Variants in CKB observed in about 807,000 individuals in gnomAD.
CKB encodes the protein creatine kinase B-type.
Under a neutral mutation model 36.9 loss-of-function variants are expected in CKB, and 15 were observed. That is an observed-to-expected ratio of 0.41 (90% CI 0.27 to 0.63). The LOEUF is 0.63. Ranked by LOEUF, CKB falls within the 20% of genes least tolerant of loss-of-function variation. The pLI, the probability that CKB is intolerant of heterozygous loss-of-function variation, is 0.34. For missense variants in CKB, 413 were observed against 534.9 expected, an observed-to-expected ratio of 0.77 and a Z score of 2.25; for synonymous variants, 250 against 228.2, an observed-to-expected ratio of 1.10 and a Z score of -0.86.
At chr14:103,520,861 G>A in intron 5 of CKB, 1 of 513,466 alleles carries the variant, frequency 1.9e-6, no homozygotes, top group South Asian at 2.1e-5. Flanking sequence ...CACAGTGGGG[G>A]TAGGAGCCCT....
Position 103,520,305 on chromosome 14 carries a change from T to G in CKB, c.784A>C (p.Thr262Pro). ...RFCTGLTQIE[T>P]LFKSKDYEFM... ...TCATAGTCCTTAGACTTGAAGAGAGTTTCAATCTGCAGACGGAGAAGAGGG... is the reference window on the plus strand; with the variant it reads ...TCATAGTCCTTAGACTTGAAGAGAGGTTCAATCTGCAGACGGAGAAGAGGG... The change falls in exon 7 of 8, where the codon ACT becomes CCT. Residue 262 changes from threonine to proline, a missense_variant. Around this residue, in one of 3 missense-constraint regions of CKB, gnomAD observed 314 missense variants for 409.4 expected, o/e 0.77. Transcript: ENST00000348956. 1 of 1,602,250 alleles carries G rather than the reference T, an allele frequency of 6.2e-7. No homozygotes were observed. Among genetic ancestry groups the G allele is most frequent in the African/African-American group, 1.4e-5 (1 of 73,976 alleles).
rs1255337931 is a variant in CKB, at chr14:103,522,375, G to A, written c.119C>T (p.Ala40Val). 6.2e-7 allele frequency: 1 copy of A among 1,611,686 alleles called. No individual in the cohort carries two copies. Among genetic ancestry groups the A allele is most frequent in the Non-Finnish European group, 8.5e-7 (1 of 1,179,322 alleles). The change falls in exon 2 of 8, where the codon GCG becomes GTG. Residue 40 changes from alanine to valine, a missense_variant. Physicochemically the swap from Ala to Val is moderately conservative, Grantham distance 64. Coordinates refer to ENST00000348956, the MANE Select transcript of CKB (RefSeq NM_001823.5). This position sits in a 1 kb window ranked among gnomAD's most constrained non-coding sequence, Gnocchi z 6.7. ...MAKVLTPELY[A>V]ELRAKSTPSG... ...CGGCGTGCTCTTGGCGCGCAGCTCCGCGTACAGCTCGGGGGTCAGCACCTT... is the reference window on the plus strand; with the variant it reads ...CGGCGTGCTCTTGGCGCGCAGCTCCACGTACAGCTCGGGGGTCAGCACCTT...
Position 103,522,305 on chromosome 14 carries a change from G to A in CKB, c.189C>T (p.Asn63=), listed in dbSNP as rs765404911. The A allele has an allele frequency of 4.4e-6, 7 of 1,605,232 alleles. No homozygotes were observed. In the East Asian group the frequency reaches 6.7e-5, roughly 15 times the overall value. The change falls in exon 2 of 8, where the codon AAC becomes AAT. Residue 63 remains asparagine, a synonymous_variant. Coordinates refer to ENST00000348956, the MANE Select transcript of CKB (RefSeq NM_001823.5). The surrounding 1 kb of genome is among the most constrained non-coding windows in gnomAD (Gnocchi z 6.7). ...LDDVIQTGVD[N]PGHPYIMTVG... ...CGGCCCCGAGGGGTCGCGTACCCGG[G>A]TTGTCCACGCCTGTCTGGATGACGT...
At chr14:103,520,948 GC>G in intron 5 of CKB, 1 of 542,832 alleles carries the variant, frequency 1.8e-6, no homozygotes, top group Non-Finnish European at 3.3e-6. Context: ...AAAACAAAGA[GC>G]TCCAGCTCCC....
chr14:103,520,571 G>A lies in CKB; in HGVS notation c.675C>T (p.Phe225=), dbSNP rs780589580. 2 of 1,612,974 alleles carry A rather than the reference G, an allele frequency of 1.2e-6. No individual in the cohort carries two copies. The highest frequency in any genetic ancestry group is 8.5e-7 in the Non-Finnish European group (1 of 1,179,708). ...GGTCCTCCTCGTTGACCCACACCAG[G>A]AAGGTCTTATTGTCATTGTGCCTGC... ...RGIWHNDNKT[F]LVWVNEEDHL... Residue 225 remains phenylalanine, a synonymous_variant, in exon 6 of 8, where the codon TTC becomes TTT. Transcript: ENST00000348956.
rs2075891473 is a variant in CKB, at chr14:103,520,321, G to A, written c.778-10C>T. The A allele has an allele frequency of 6.2e-7, 1 of 1,600,480 alleles. No homozygotes were observed. ...TGAAGAGAGTTTCAATCTGCAGACG[G>A]AGAAGAGGGTATGAGGGAGAAGGCC... is the stretch of plus-strand genomic sequence containing the variant. On this transcript the variant is annotated splice_polypyrimidine_tract_variant and intron_variant, in intron 6 of 7. Coordinates refer to ENST00000348956, the MANE Select transcript of CKB (RefSeq NM_001823.5).
At chr14:103,521,650 G>A (rs1004040466) in intron 4 of CKB, 168 bp downstream of exon 4, 4 of 987,058 alleles carry the variant, frequency 4.1e-6, no homozygotes, top group African/African-American at 3.4e-5. Context: ...CTGTGGGCGC[G>A]GGGCTGGGCC....
chr14:103,520,349 C>T (rs1189136922), intron 6 of CKB, 38 bp from the exon 7 acceptor site: 3 of 1,587,734 alleles, frequency 1.9e-6, no homozygotes, highest in Admixed American at 3.4e-5. Flanking sequence ...AGAAGGCCTG[C>T]CTGAAACCCC....
In CKB at chr14:103,522,563, G is replaced by T; in HGVS notation, c.-12-58C>A. The T allele has an allele frequency of 1.7e-5, 13 of 749,752 alleles. No homozygotes were observed. The highest frequency in any genetic ancestry group is 7.2e-5 in the East Asian group (1 of 13,890). The allele number at this position is 749,752 out of a possible 1,614,324, so 46.4% of individuals were successfully genotyped here. On this transcript the variant is annotated intron_variant, in intron 1 of 7. Transcript: ENST00000348956. This position sits in a 1 kb window ranked among gnomAD's most constrained non-coding sequence, Gnocchi z 6.7. Reference sequence around the variant, plus strand: ...CACGCCGGGGTTCCCGGGCTCCCGCGTACCACTCAGGCCCCCGCCGCCGGG... The same window carrying T: ...CACGCCGGGGTTCCCGGGCTCCCGCTTACCACTCAGGCCCCCGCCGCCGGG...
In CKB at chr14:103,521,861, G is replaced by C; in HGVS notation, c.438C>G (p.Cys146Trp). The C allele has an allele frequency of 6.5e-7, 1 of 1,538,574 alleles. No homozygotes were observed. Among genetic ancestry groups the C allele is most frequent in the South Asian group, 1.2e-5 (1 of 83,510 alleles). The change falls in exon 4 of 8, where the codon TGC becomes TGG. Residue 146 changes from cysteine (C) to tryptophan (W), a missense_variant. By Grantham distance (215) the Cys-to-Trp change is radical (BLOSUM62 -2). This residue lies in a region of CKB where 314 missense variants were observed against 409.4 expected (regional missense o/e 0.77). Transcript: ENST00000348956. Reference protein sequence around the residue: ...SIRGFCLPPHCSRGERRAIEK... With the variant: ...SIRGFCLPPHWSRGERRAIEK... ...CGATGGCGCGGCGCTCCCCGCGGCT[G>C]CAGTGCGGGGGGAGGCAGAAGCCAC...
rs1372341024 is a variant in CKB, at chr14:103,519,843, G to T, written c.*21C>A. 6.3e-7 allele frequency: 1 copy of T among 1,582,984 alleles called. No individual in the cohort carries two copies. The highest frequency in any genetic ancestry group is 1.3e-5 in the African/African-American group (1 of 74,582). On this transcript the variant is annotated 3_prime_UTR_variant, in exon 8 of 8. Transcript: ENST00000348956. The stretch of plus-strand genomic sequence containing the variant: ...AATAAGTTAGGAAGCAGCAGGGCTG[G>T]TGTCGGGTGTGGGCCGGGCTTCATT...
In CKB at chr14:103,519,906, C is replaced by T; in HGVS notation, c.1104G>A (p.Glu368=). The T allele has an allele frequency of 6.2e-7, 1 of 1,608,234 alleles. No individual in the cohort carries two copies. ...KLLIEMEQRL[E]QGQAIDDLMP... ...TGAGGTCGTCGATGGCCTGGCCCTG[C>T]TCCAGCCGCTGCTCCATCTCGATGA... The change falls in exon 8 of 8, where the codon GAG becomes GAA. Residue 368 remains glutamate (E), a synonymous_variant. Transcript: ENST00000348956.
At chr14:103,520,402 GA>G in intron 6 of CKB, 66 bp downstream of exon 6, 1 of 1,587,186 alleles carries the variant, frequency 6.3e-7, no homozygotes, top group Non-Finnish European at 8.6e-7. Context: ...CCCCCGGGGG[GA>G]CTGATGCTGG....
In CKB at chr14:103,520,466, C is replaced by T; in HGVS notation, c.777+3G>A. 6.3e-7 allele frequency: 1 copy of T among 1,599,794 alleles called. No individual in the cohort carries two copies. The highest frequency in any genetic ancestry group is 1.1e-5 in the South Asian group (1 of 89,652). The stretch of plus-strand genomic sequence containing the variant: ...GGGTCTGGGCCTGCCCCGTCCCTGG[C>T]ACCTGGGTGAGGCCGGTGCAGAAGC... On this transcript the variant is annotated splice_donor_region_variant and intron_variant, in intron 6 of 7. Coordinates refer to ENST00000348956, the MANE Select transcript of CKB (RefSeq NM_001823.5).
chr14:103,520,356 C>T (rs1469123313), intron 6 of CKB, 45 bp from the exon 7 acceptor site: 3 of 1,584,676 alleles, frequency 1.9e-6, no homozygotes, highest in Non-Finnish European at 1.7e-6. Flanking sequence ...CTGCCTGAAA[C>T]CCCTACAGGC....
In CKB at chr14:103,519,798, A is replaced by G; in HGVS notation, c.*66T>C. Reference sequence around the variant, plus strand: ...GCCAGACGGCGAACATCAGGGGTGCATGGTGGGCACTGCCCAGGCAATAAG... The same window carrying G: ...GCCAGACGGCGAACATCAGGGGTGCGTGGTGGGCACTGCCCAGGCAATAAG... On this transcript the variant is annotated 3_prime_UTR_variant, in exon 8 of 8. Coordinates refer to ENST00000348956, the MANE Select transcript of CKB (RefSeq NM_001823.5). The G allele has an allele frequency of 3.3e-6, 5 of 1,524,540 alleles. No individual in the cohort carries two copies. The highest frequency in any genetic ancestry group is 4.4e-6 in the Non-Finnish European group (5 of 1,135,188). The allele number at this position is 1,524,540 out of a possible 1,614,324, so 94.4% of individuals were successfully genotyped here. A position where few individuals can be genotyped will look rare whatever the true frequency, so the allele number is the denominator to read the frequency against.
chr14:103,519,791 G>C lies in CKB; in HGVS notation c.*73C>G. The C allele has an allele frequency of 6.6e-7, 1 of 1,507,070 alleles. No individual in the cohort carries two copies. The allele number at this position is 1,507,070 out of a possible 1,614,324, so 93.4% of individuals were successfully genotyped here. ...AGGGCTCGCCAGACGGCGAACATCA[G>C]GGGTGCATGGTGGGCACTGCCCAGG... On this transcript the variant is annotated 3_prime_UTR_variant, in exon 8 of 8. Coordinates refer to ENST00000348956, the MANE Select transcript of CKB (RefSeq NM_001823.5).
At position 103,522,098 on chromosome 14, in the gene CKB, G is replaced by A; in HGVS notation, c.273C>T (p.Pro91=). 6.3e-7 allele frequency: 1 copy of A among 1,580,378 alleles called. No homozygotes were observed. The highest frequency in any genetic ancestry group is 1.3e-5 in the African/African-American group (1 of 74,314). ...AGCCGCCGTGCCGGTCCTCGATGAT[G>A]GGGTCGAAGAGATCCTTGAACACTT... ...SYEVFKDLFD[P]IIEDRHGGYK... Residue 91 remains proline, a synonymous_variant, in exon 3 of 8, where the codon CCC becomes CCT. Coordinates refer to ENST00000348956, the MANE Select transcript of CKB (RefSeq NM_001823.5). This position sits in a 1 kb window ranked among gnomAD's most constrained non-coding sequence, Gnocchi z 6.7.
Position 103,521,887 on chromosome 14 carries a change from G to C in CKB, c.412C>G (p.Arg138Gly). 2 of 1,569,986 alleles carry C rather than the reference G, an allele frequency of 1.3e-6. No homozygotes were observed. The highest frequency in any genetic ancestry group is 1.7e-6 in the Non-Finnish European group (2 of 1,168,048). ...SSRVRTGRSI[R>G]GFCLPPHCSR... ...CAGTGCGGGGGGAGGCAGAAGCCAC[G>C]GATGCTGCGGCCCGTGCGCACCCGC... The change falls in exon 4 of 8, where the codon CGT becomes GGT. Residue 138 changes from arginine to glycine, a missense_variant. Coordinates refer to ENST00000348956, the MANE Select transcript of CKB (RefSeq NM_001823.5).
Sources: allele counts gnomAD v4.1 joint callset, GRCh38; gene constraint gnomAD v4.1.1; regional missense constraint gnomAD v4.1.1; non-coding constraint Gnocchi (gnomAD v3.1); transcripts MANE v1.5; gene names NCBI Gene and HGNC (gene_info 2026-07-23, HGNC 2026-07-21).